The following BRCA1 variants were observed in gnomAD, a reference collection of about 807,000 sequenced individuals.
BRCA1 encodes BRCA1 DNA repair associated.
A neutral mutation model predicts 173.7 loss-of-function variants in BRCA1; 140 were observed. That is an observed-to-expected ratio of 0.81 (90% CI 0.70 to 0.93). The LOEUF (loss-of-function observed/expected upper bound fraction) is 0.93. Among genes scored for constraint, BRCA1 ranks in the 40% least tolerant of loss-of-function variants. The pLI is 0.00. For missense variants in BRCA1, 1,983 were observed against 2,172.5 expected (o/e 0.91, Z 1.73); for synonymous variants, 662 against 756.0 (o/e 0.88, Z 2.04).
chr17:43,136,964 A>G (rs1478459875), intron 1 of BRCA1, among the ~76,000 whole-genome samples: 2 of 152,170 alleles, frequency 1.3e-5, no homozygotes, highest in Non-Finnish European at 2.9e-5. Context: ...TCATGCTGCT[A>G]TAAAGACAAA....
rs2054315362 is a variant in BRCA1, at chr17:43,100,014, A to G, written c.442-134T>C. The G allele has an allele frequency of 2.2e-5, 17 of 761,938 alleles. No homozygotes were observed. The South Asian group carries it at 2.4e-4, about 11-fold the overall frequency. The allele number at this position is 761,938 out of a possible 1,614,324, so 47.2% of individuals were successfully genotyped here. A position where few individuals can be genotyped will look rare whatever the true frequency, so the allele number is the denominator to read the frequency against. On this transcript the variant is annotated intron_variant, in intron 6 of 22. Transcript: ENST00000357654. ...AGCTAACATGTATGATGCCTGGAAA[A>G]AATGCCCAGGAATTTACACACTAAA...
chr17:43,110,826 C>A (rs987589039), intron 3 of BRCA1, among the ~76,000 whole-genome samples: 1 of 151,782 alleles, frequency 6.6e-6, no homozygotes, highest in African/African-American at 2.4e-5. Context: ...AAAGGCTGGG[C>A]GTGGTGGCTA....
chr17:43,055,206 T>C (rs904038490), intron 19 of BRCA1, among the ~76,000 whole-genome samples: 4 of 152,258 alleles, frequency 2.6e-5, no homozygotes, highest in African/African-American at 7.2e-5. Flanking sequence ...GTCAGAGTTC[T>C]GGCTAAGTCA....
chr17:43,126,875 C>A (rs1039957315), upstream of BRCA1, among the ~76,000 whole-genome samples: 3 of 152,050 alleles, frequency 2.0e-5, no homozygotes, highest in Non-Finnish European at 4.4e-5. Flanking sequence ...CTGCGCGCAG[C>A]GCTCGCCAGC....
At chr17:43,169,450 A>G (rs1160249550) in intron 1 of BRCA1, among the ~76,000 whole-genome samples, 2 of 152,150 alleles carry the variant, frequency 1.3e-5, no homozygotes, top group Non-Finnish European at 2.9e-5. Flanking sequence ...TACAGGCGTA[A>G]GCCACCATCC....
At position 43,044,654 on chromosome 17, in the gene BRCA1, C is replaced by A. The variant is rs1438432185; in HGVS notation, c.*1024G>T. Reference sequence around the variant, plus strand: ...AATGGATTATATACCAGAGCTACAACAATAAACATTTTACTTATTACTAAT... The same window carrying A: ...AATGGATTATATACCAGAGCTACAAAAATAAACATTTTACTTATTACTAAT... On this transcript the variant is annotated 3_prime_UTR_variant, in exon 23 of 23. Transcript: ENST00000357654. The A allele has an allele frequency of 5.9e-6, 3 of 506,026 alleles. No homozygotes were observed. The highest frequency in any genetic ancestry group is 4.5e-5 in the Admixed American group (2 of 43,972). 31.3% of individuals were successfully genotyped at this position (506,026 alleles called of 1,614,324 possible).
Position 43,094,045 on chromosome 17 carries a change from G to T in BRCA1, c.1486C>A (p.Arg496Ser), listed in dbSNP as rs28897676. 3.1e-6 allele frequency: 5 copies of T among 1,613,802 alleles called. No individual in the cohort carries two copies. The African/African-American group carries it at 6.7e-5, about 22-fold the overall frequency. ...CGCTTTAATTTATTTGTGAGGGGAC[G>T]CTCTTGTATTATCTGTGGCTCAGTA... Reference protein sequence around the residue: ...FVTEPQIIQERPLTNKLKRKR... With the variant: ...FVTEPQIIQESPLTNKLKRKR... Residue 496 changes from arginine (R) to serine (S), a missense_variant, in exon 10 of 23, where the codon CGT (arginine) becomes AGT (serine). Transcript: ENST00000357654.
rs80357272 is a variant in BRCA1, at chr17:43,092,083, G to A, written c.3448C>T (p.Pro1150Ser). 3.0e-5 allele frequency: 48 copies of A among 1,613,976 alleles called. No individual in the cohort carries two copies. The East Asian group carries it at 1.0e-3, about 34-fold the overall frequency. Reference sequence around the variant, plus strand: ...TCACCATCATCTAACAGGTCATCAGGTGTCTCAGAACAAACCTGAGATGCA... The same window carrying A: ...TCACCATCATCTAACAGGTCATCAGATGTCTCAGAACAAACCTGAGATGCA... ...SHASQVCSET[P>S]DDLLDDGEIK... The change falls in exon 10 of 23, where the codon CCT becomes TCT. Residue 1150 changes from proline to serine, a missense_variant. Transcript: ENST00000357654.
chr17:43,075,494 A>G lies in BRCA1; in HGVS notation c.4485-973T>C, dbSNP rs371730202. Among the ~76,000 whole-genome samples the G allele has an allele frequency of 1.1e-4, 16 of 152,228 alleles. No individual in the cohort carries two copies. In the East Asian group the frequency reaches 2.3e-3, roughly 22 times the overall value. ...TTTAAACAATTATTGGGTGCTTACT[A>G]TGGGTCAAATACTAAGGCTAGGCCC... On this transcript the variant is annotated intron_variant, in intron 13 of 22. Coordinates refer to ENST00000357654, the MANE Select transcript of BRCA1 (RefSeq NM_007294.4).
chr17:43,073,763 TATA>T (rs2052558234), intron 14 of BRCA1, among the ~76,000 whole-genome samples: 1 of 150,094 alleles, frequency 6.7e-6, no homozygotes. Flanking sequence ...TATATATATA[TATA>T]TTTTTTGAGA....
At position 43,100,672 on chromosome 17, in the gene BRCA1, ATATATAAT is replaced by A. The variant is rs1567807638; in HGVS notation, c.442-800_442-793del. Among the ~76,000 whole-genome samples, 20 of 18,512 alleles carry A rather than the reference ATATATAAT, an allele frequency of 1.1e-3. 1 individual carries two copies. In the South Asian group the frequency reaches 0.014, roughly 13 times the overall value. 12.1% of individuals were successfully genotyped at this position (18,512 alleles called of 152,430 possible). A position where few individuals can be genotyped will look rare whatever the true frequency, so the allele number is the denominator to read the frequency against. On this transcript the variant is annotated intron_variant, in intron 6 of 22. Transcript: ENST00000357654. ...ATATATATAACATATATATATATATATATATAATATATATATATATATATATATATGTA... is the reference window on the plus strand; with the variant it reads ...ATATATATAACATATATATATATATAATATATATATATATATATATATGTA...
chr17:43,121,362 G>A lies in BRCA1; in HGVS notation c.80+2655C>T, dbSNP rs34942571. On this transcript the variant is annotated intron_variant, in intron 2 of 22. Transcript: ENST00000357654. ...TGCACTCCAGCCTAGGCAGCAGAGC[G>A]AGACCGTGTCTCAAAAAAACAAAAC... is the stretch of plus-strand genomic sequence containing the variant. 7.2e-4 allele frequency among the ~76,000 whole-genome samples: 109 copies of A among 150,922 alleles called. 1 individual carries two copies. The highest frequency in any genetic ancestry group is 1.3e-3 in the Non-Finnish European group (86 of 67,710).
At chr17:43,139,177 CTT>C (rs34960683) in intron 1 of BRCA1, among the ~76,000 whole-genome samples, 17 of 137,722 alleles carry the variant, frequency 1.2e-4, no homozygotes, top group Non-Finnish European at 1.1e-4. Context: ...GGAGCATTGT[CTT>C]TTTTTTTTTT....
intron 11 of BRCA1, among the ~76,000 whole-genome samples, chr17:43,089,383 CGTT>C (rs1281378133): frequency 1.3e-5 from 2 of 151,886 alleles, no homozygotes; most frequent in East Asian, 1.9e-4. Context: ...CATTTTTAGA[CGTT>C]GTGATACAGA....
In BRCA1 at chr17:43,094,777, G is replaced by A. The variant is rs273902786; in HGVS notation, c.754C>T (p.Arg252Cys). The A allele has an allele frequency of 3.7e-6, 6 of 1,611,870 alleles. No homozygotes were observed. Among genetic ancestry groups the A allele is most frequent in the Non-Finnish European group, 3.4e-6 (4 of 1,179,090 alleles). ...TTTTCTGGATGCCTCTCAGCTGCAC[G>A]CTTCTCAGTGGTGTTCAAATCATTA... is the stretch of plus-strand genomic sequence containing the variant. ...SNNDLNTTEK[R>C]AAERHPEKYQ... Residue 252 changes from arginine to cysteine, a missense_variant, in exon 10 of 23, where the codon CGT becomes TGT. Coordinates refer to ENST00000357654, the MANE Select transcript of BRCA1 (RefSeq NM_007294.4).
At chr17:43,106,707 A>G (rs954466015) in intron 3 of BRCA1, among the ~76,000 whole-genome samples, 174 bp from the exon 4 acceptor site, 7 of 152,230 alleles carry the variant, frequency 4.6e-5, no homozygotes, top group Admixed American at 2.0e-4. Flanking sequence ...TGGATGCTGC[A>G]TAAGCAAAAA....
At chr17:43,077,733 T>A (rs1188000753) in intron 12 of BRCA1, among the ~76,000 whole-genome samples, 1 of 136,152 alleles carries the variant, frequency 7.3e-6, no homozygotes, top group Non-Finnish European at 1.6e-5. Flanking sequence ...TTATTTATTT[T>A]TATTTATTTA....
At chr17:43,111,175 G>C (rs1246453283) in intron 3 of BRCA1, among the ~76,000 whole-genome samples, 7 of 151,342 alleles carry the variant, frequency 4.6e-5, no homozygotes, top group Non-Finnish European at 7.4e-5. Context: ...ACTGCCTTAA[G>C]AAATATTTTC....
intron 16 of BRCA1, 91 bp downstream of exon 16, chr17:43,067,517 G>C (rs2153690132): frequency 9.4e-7 from 1 of 1,062,466 alleles, no homozygotes; most frequent in Non-Finnish European, 1.4e-6. Context: ...GCCTCCCAAA[G>C]TGCTGCGATT....
Sources: allele counts gnomAD v4.1 joint callset (sites outside exome capture counted in the v4.1 genomes callset), GRCh38; gene constraint gnomAD v4.1.1; transcripts MANE v1.5; gene names NCBI Gene and HGNC (gene_info 2026-07-23, HGNC 2026-07-21).